Variants in MECOM observed in about 807,000 individuals in gnomAD.
MECOM encodes the protein MDS1 and EVI1 complex locus.
Under a neutral mutation model 116.3 loss-of-function variants are expected in MECOM, and 13 were observed. The ratio of observed to expected loss-of-function variants is 0.11; its 90% confidence interval spans 0.07 to 0.18. MECOM has a LOEUF of 0.18. Among genes scored for constraint, MECOM ranks in the 10% least tolerant of loss-of-function variants. The pLI, the probability that MECOM is intolerant of heterozygous loss-of-function variation, is 1.00. For synonymous variants in MECOM, 528 were observed against 535.2 expected, an observed-to-expected ratio of 0.99 and a Z score of 0.19; for missense variants, 1,299 against 1,509.0, an observed-to-expected ratio of 0.86 and a Z score of 2.31.
intron 3 of MECOM, among the ~76,000 whole-genome samples, chr3:169,142,067 T>C (rs1415972530): frequency 6.6e-6 from 1 of 151,980 alleles, no homozygotes; most frequent in African/African-American, 2.4e-5. Context: ...AAATGCCTAC[T>C]CTAATGAGTA....
intron 1 of MECOM, 108 bp downstream of exon 1, chr3:169,663,228 G>A: frequency 7.5e-7 from 1 of 1,334,462 alleles, no homozygotes. Context: ...CTCCACCCGG[G>A]GCCCCGGCGC....
intron 9 of MECOM, among the ~76,000 whole-genome samples, chr3:169,108,334 TA>T (rs1395406808): frequency 1.3e-5 from 2 of 152,212 alleles, no homozygotes; most frequent in Non-Finnish European, 2.9e-5. Flanking sequence ...TGCATTTGTA[TA>T]ATGTTAATAA....
chr3:169,596,040 T>C (rs1767093214), intron 1 of MECOM, among the ~76,000 whole-genome samples: 1 of 152,228 alleles, frequency 6.6e-6, no homozygotes. Flanking sequence ...AACTAGCTAA[T>C]TGAAAATATA....
chr3:169,161,467 A>C (rs1742837259), intron 2 of MECOM, among the ~76,000 whole-genome samples: 1 of 152,178 alleles, frequency 6.6e-6, no homozygotes, highest in Admixed American at 6.5e-5. Flanking sequence ...ACCTAAAAGA[A>C]GACAAAAGAC....
intron 2 of MECOM, among the ~76,000 whole-genome samples, chr3:169,281,060 A>T (rs934648350): frequency 6.6e-6 from 1 of 152,236 alleles, no homozygotes; most frequent in African/African-American, 2.4e-5. Context: ...CTGCATGGTT[A>T]TCTTTAATCA....
chr3:169,652,813 C>T, intron 1 of MECOM, among the ~76,000 whole-genome samples: 1 of 152,154 alleles, frequency 6.6e-6, no homozygotes, highest in Non-Finnish European at 1.5e-5. Flanking sequence ...ATTAATAGAG[C>T]ATAAATATTA....
intron 1 of MECOM, chr3:169,566,107 A>G (rs1300725845): frequency 6.4e-6 from 2 of 313,790 alleles, no homozygotes; most frequent in African/African-American, 4.6e-5. Context: ...AAACCATCAG[A>G]TCTTGTGAGA....
intron 2 of MECOM, among the ~76,000 whole-genome samples, chr3:169,178,544 G>A (rs77680664): frequency 6.6e-6 from 1 of 152,124 alleles, no homozygotes; most frequent in African/African-American, 2.4e-5. Flanking sequence ...GCTAAGAAGA[G>A]AAGTTTCTGG....
intron 2 of MECOM, among the ~76,000 whole-genome samples, chr3:169,202,548 G>T (rs1749301569): frequency 6.6e-6 from 1 of 152,038 alleles, no homozygotes; most frequent in African/African-American, 2.4e-5. Context: ...TTTACATTAA[G>T]ATTCCAGCAT....
At chr3:169,564,985 G>C (rs531127816) in intron 1 of MECOM, among the ~76,000 whole-genome samples, 2 of 152,180 alleles carry the variant, frequency 1.3e-5, no homozygotes, top group Non-Finnish European at 2.9e-5. Flanking sequence ...TGCAGCAAAG[G>C]CACCATGTAT....
chr3:169,422,067 T>C (rs1309830618), intron 1 of MECOM, among the ~76,000 whole-genome samples: 1 of 152,128 alleles, frequency 6.6e-6, no homozygotes, highest in African/African-American at 2.4e-5. Flanking sequence ...ATTTTTGCTC[T>C]TTTTATTGGT....
chr3:169,517,580 T>G (rs1429557729), intron 1 of MECOM, among the ~76,000 whole-genome samples: 3 of 152,192 alleles, frequency 2.0e-5, no homozygotes, highest in African/African-American at 7.2e-5. Flanking sequence ...CAACTCAGCC[T>G]AAAACATACC....
intron 1 of MECOM, among the ~76,000 whole-genome samples, chr3:169,420,234 A>G (rs1739473910): frequency 6.6e-6 from 1 of 152,122 alleles, no homozygotes; most frequent in Non-Finnish European, 1.5e-5. Context: ...TCTCTCCACC[A>G]ATCAACTACT....
chr3:169,302,427 G>A (rs1236926062), intron 2 of MECOM, among the ~76,000 whole-genome samples: 1 of 152,014 alleles, frequency 6.6e-6, no homozygotes, highest in African/African-American at 2.4e-5. Context: ...GTTGCTGTTG[G>A]TTTTTCTCTA....
intron 1 of MECOM, among the ~76,000 whole-genome samples, chr3:169,608,802 T>C (rs1207795179): frequency 1.3e-5 from 2 of 152,232 alleles, no homozygotes; most frequent in Admixed American, 6.5e-5. Context: ...AAACATGTTC[T>C]GCTCTGACTA....
intron 10 of MECOM, among the ~76,000 whole-genome samples, chr3:169,103,411 G>C (rs1213381787): frequency 6.6e-6 from 1 of 152,038 alleles, no homozygotes; most frequent in Non-Finnish European, 1.5e-5. Context: ...AAACTTTCAG[G>C]CCATCCTGTT....
chr3:169,238,635 G>T (rs1754397396), intron 2 of MECOM, among the ~76,000 whole-genome samples: 2 of 152,164 alleles, frequency 1.3e-5, no homozygotes, highest in African/African-American at 4.8e-5. Flanking sequence ...CAAAGGTTTA[G>T]CTAAAATATC....
chr3:169,384,938 A>T (rs1266623399), intron 1 of MECOM, among the ~76,000 whole-genome samples: 1 of 151,946 alleles, frequency 6.6e-6, no homozygotes, highest in Non-Finnish European at 1.5e-5. Context: ...CCCCATCTCT[A>T]CTAAAAATAC....
At chr3:169,505,224 A>G (rs1412105932) in intron 1 of MECOM, among the ~76,000 whole-genome samples, 1 of 144,916 alleles carries the variant, frequency 6.9e-6, no homozygotes, top group Non-Finnish European at 1.6e-5. Context: ...CATTTTATCC[A>G]AAGTATATCA....
Sources: allele counts gnomAD v4.1 joint callset (sites outside exome capture counted in the v4.1 genomes callset), GRCh38; gene constraint gnomAD v4.1.1; transcripts MANE v1.5; gene names NCBI Gene and HGNC (gene_info 2026-07-23, HGNC 2026-07-21).